Variants in PRR33 observed in about 807,000 individuals in gnomAD.
PRR33 encodes proline rich 33.
Under a neutral mutation model 0.5 loss-of-function variants are expected in PRR33, and 1 was observed. The observed-to-expected ratio is 2.18, with a 90% CI of 0.77 to 10.34. The LOEUF is 10.34. Ranked by LOEUF, PRR33 falls within the 30% of genes most tolerant of loss-of-function variation. The probability of loss-of-function intolerance (pLI) is 0.13; values close to 1 mark genes in which losing one functional copy is unlikely to be tolerated. For missense variants in PRR33, 552 were observed against 251.8 expected, an observed-to-expected ratio of 2.19 and a Z score of -8.07; for synonymous variants, 226 against 110.0, an observed-to-expected ratio of 2.06 and a Z score of -6.60.
upstream of PRR33, among the ~76,000 whole-genome samples, chr11:1,893,600 G>A (rs1239457018): frequency 2.1e-5 from 3 of 144,540 alleles, no homozygotes; most frequent in Admixed American, 6.8e-5. Flanking sequence ...GGAGGGATGA[G>A]TGAGTGAATG....
chr11:1,893,646 C>T (rs1054936551), upstream of PRR33, among the ~76,000 whole-genome samples: 5 of 117,260 alleles, frequency 4.3e-5, no homozygotes, highest in South Asian at 2.9e-4. Context: ...ATGGAAGGAG[C>T]GATAAATGAA....
At chr11:1,910,156 C>A in the PRR33 span, among the ~76,000 whole-genome samples, 7 of 152,350 alleles carry the variant, frequency 4.6e-5, no homozygotes, top group African/African-American at 1.7e-4. Context: ...TTTTCTGATT[C>A]TTTGCAGTGA....
At chr11:1,915,033 G>C in the PRR33 span, among the ~76,000 whole-genome samples, 3 of 144,126 alleles carry the variant, frequency 2.1e-5, no homozygotes, top group East Asian at 6.5e-4. Flanking sequence ...GGGGACACAC[G>C]GATGATGTTT....
chr11:1,901,938 A>C, the PRR33 span, among the ~76,000 whole-genome samples: 4 of 152,204 alleles, frequency 2.6e-5, no homozygotes, highest in African/African-American at 9.7e-5. Context: ...GTAATTGCAA[A>C]AACCACAATT....
At chr11:1,901,901 C>T in the PRR33 span, among the ~76,000 whole-genome samples, 2 of 152,208 alleles carry the variant, frequency 1.3e-5, no homozygotes, top group Non-Finnish European at 2.9e-5. Context: ...CAGAAAGGTG[C>T]ATTTTAGTTA....
At chr11:1,910,029 G>A in the PRR33 span, among the ~76,000 whole-genome samples, 1 of 151,532 alleles carries the variant, frequency 6.6e-6, no homozygotes, top group Non-Finnish European at 1.5e-5. Flanking sequence ...TGGTTGCTGT[G>A]TCCGGGACTT....
At chr11:1,904,318 C>T in the PRR33 span, among the ~76,000 whole-genome samples, 3 of 152,086 alleles carry the variant, frequency 2.0e-5, no homozygotes, top group African/African-American at 7.2e-5. Context: ...TGCCTGAGCT[C>T]AGGAGTTCAA....
chr11:1,889,462 C>G (rs1848896080), exon 1 of PRR33: 2 of 636,942 alleles, frequency 3.1e-6, no homozygotes, highest in East Asian at 5.6e-5. Flanking sequence ...GCAGGCACCT[C>G]CTGCTCTGTG....
Position 1,889,505 on chromosome 11 carries a change from C to T in PRR33, c.1080G>A (p.Pro360=), listed in dbSNP as rs894707320. ...GCACCTCTGGCTCCAGGCTCTGCCG[C>T]GGCTCTGGGCACGGAGGCTCTGGGG... is the stretch of plus-strand genomic sequence containing the variant. The change falls in exon 1 of 1, where the codon CCG becomes CCA. Residue 360 remains proline, a synonymous_variant. Coordinates refer to ENST00000640310, the Ensembl canonical transcript of PRR33. 5.8e-5 allele frequency: 36 copies of T among 616,952 alleles called. No individual in the cohort carries two copies. The East Asian group carries it at 7.1e-4, about 12-fold the overall frequency. 38.2% of individuals were successfully genotyped at this position (616,952 alleles called of 1,614,324 possible).
chr11:1,907,636 A>G, the PRR33 span, among the ~76,000 whole-genome samples: 1 of 151,612 alleles, frequency 6.6e-6, no homozygotes, highest in African/African-American at 2.4e-5. Context: ...CACGTCTCGA[A>G]CTCCTAACCT....
the PRR33 span, among the ~76,000 whole-genome samples, chr11:1,899,330 C>T: frequency 6.6e-6 from 1 of 152,122 alleles, no homozygotes; most frequent in Admixed American, 6.5e-5. Flanking sequence ...GTTCAAAGTC[C>T]TAGAATTTCA....
chr11:1,913,856 C>T, the PRR33 span, among the ~76,000 whole-genome samples: 13 of 152,280 alleles, frequency 8.5e-5, no homozygotes, highest in Non-Finnish European at 1.3e-4. Flanking sequence ...ACTGGGATCG[C>T]GGACTCCTTT....
upstream of PRR33, among the ~76,000 whole-genome samples, chr11:1,893,691 G>C (rs1008505582): frequency 6.6e-6 from 1 of 151,080 alleles, no homozygotes; most frequent in Non-Finnish European, 1.5e-5. Flanking sequence ...TGGATAGATA[G>C]ATAATGGAGG....
the PRR33 span, among the ~76,000 whole-genome samples, chr11:1,905,046 C>T: frequency 6.6e-6 from 1 of 151,608 alleles, no homozygotes; most frequent in African/African-American, 2.4e-5. Context: ...TTCCTTTCTT[C>T]TGCCCACTTT....
exon 1 of PRR33, chr11:1,890,577 A>T: frequency 1.4e-6 from 1 of 708,218 alleles, no homozygotes; most frequent in Non-Finnish European, 2.6e-6. Context: ...CGCAGCCGAT[A>T]TGAGCATGAC....
the PRR33 span, among the ~76,000 whole-genome samples, chr11:1,917,228 T>C: frequency 1.3e-5 from 2 of 152,118 alleles, no homozygotes; most frequent in Non-Finnish European, 2.9e-5. Context: ...GCTCAGGGCA[T>C]GAGGAGAGGC....
the PRR33 span, among the ~76,000 whole-genome samples, chr11:1,911,098 T>C: frequency 6.6e-6 from 1 of 152,240 alleles, no homozygotes. Flanking sequence ...TTGTTGAATT[T>C]ACCAATCTCT....
chr11:1,912,183 T>C, the PRR33 span, among the ~76,000 whole-genome samples: 1 of 151,668 alleles, frequency 6.6e-6, no homozygotes, highest in South Asian at 2.1e-4. Flanking sequence ...TTTAAAAAGG[T>C]AAAATTAAAA....
At chr11:1,910,193 C>G in the PRR33 span, among the ~76,000 whole-genome samples, 10 of 152,308 alleles carry the variant, frequency 6.6e-5, no homozygotes, top group Admixed American at 2.0e-4. Context: ...CCCAGCAATG[C>G]AAATGCCGGA....
Sources: gnomAD v4.1 joint callset for allele counts (sites outside exome capture counted in the v4.1 genomes callset) on GRCh38, gnomAD v4.1.1 for gene constraint, MANE v1.5 for transcripts, NCBI Gene and HGNC (gene_info 2026-07-23, HGNC 2026-07-21) for gene names.